DNAH5: variants seen among roughly 807,000 people sequenced by gnomAD.
DNAH5 encodes the protein axonemal beta dynein heavy chain 5.
DNAH5 carries 372 observed loss-of-function variants against 518.2 expected under a neutral mutation model. That is an observed-to-expected ratio of 0.72 (90% CI 0.66 to 0.78). The LOEUF (loss-of-function observed/expected upper bound fraction) is 0.78. Ranked by LOEUF, DNAH5 falls within the 30% of genes least tolerant of loss-of-function variation. The pLI, the probability that DNAH5 is intolerant of heterozygous loss-of-function variation, is 0.00. For missense variants in DNAH5, 5,523 were observed against 5,687.0 expected (o/e 0.97, Z 0.93); for synonymous variants, 2,039 against 2,025.9 (o/e 1.01, Z -0.17).
At chr5:13,758,736 C>T (rs530502373) in intron 61 of DNAH5, 110 bp downstream of exon 61, 2 of 1,479,384 alleles carry the variant, frequency 1.4e-6, no homozygotes, top group African/African-American at 1.4e-5. Context: ...CCATTATGTG[C>T]TATGTATGTA....
At chr5:13,841,215 T>C (rs1765112990) in intron 33 of DNAH5, 85 bp from the exon 34 acceptor site, 2 of 1,081,734 alleles carry the variant, frequency 1.8e-6, no homozygotes, top group South Asian at 2.6e-5. Context: ...ACAGCTGTGA[T>C]TGTTACACAA....
At chr5:14,005,133 C>A (rs1482053420) in intron 1 of DNAH5, among the ~76,000 whole-genome samples, 1 of 152,180 alleles carries the variant, frequency 6.6e-6, no homozygotes, top group East Asian at 1.9e-4. Flanking sequence ...CACTCAGTCC[C>A]CCACCAGTGG....
chr5:13,846,130 C>T (rs1196239990), intron 31 of DNAH5, among the ~76,000 whole-genome samples: 2 of 151,830 alleles, frequency 1.3e-5, no homozygotes, highest in African/African-American at 4.8e-5. Flanking sequence ...TGAGCCACCA[C>T]ACCTGGCCCC....
chr5:13,911,188 AT>A (rs1193486517), intron 12 of DNAH5, among the ~76,000 whole-genome samples, 197 bp downstream of exon 12: 2 of 152,252 alleles, frequency 1.3e-5, no homozygotes, highest in Non-Finnish European at 2.9e-5. Flanking sequence ...AGCCAAAGCT[AT>A]ATTTATGACC....
intron 2 of DNAH5, among the ~76,000 whole-genome samples, 189 bp downstream of exon 2, chr5:13,930,921 T>A (rs1179454939): frequency 6.6e-6 from 1 of 152,186 alleles, no homozygotes; most frequent in Non-Finnish European, 1.5e-5. Flanking sequence ...AGTGCCCCTA[T>A]TCAACATGGA....
upstream of DNAH5, among the ~76,000 whole-genome samples, chr5:13,949,339 G>T (rs1487281980): frequency 6.6e-6 from 1 of 151,886 alleles, no homozygotes; most frequent in Non-Finnish European, 1.5e-5. Flanking sequence ...ACAATAAAAA[G>T]AAAAAACTCA....
chr5:13,919,167 GC>G lies in DNAH5; in HGVS notation c.975+8del, dbSNP rs1213986233. 6.2e-7 allele frequency: 1 copy of G among 1,613,728 alleles called. No individual in the cohort carries two copies. The highest frequency in any genetic ancestry group is 8.5e-7 in the Non-Finnish European group (1 of 1,179,828). ...CCATTTCACAAGGCAAAATGAAATG[GC>G]TGACGACCTTCAGCAGTTTCGACTT... On this transcript the variant is annotated splice_region_variant and intron_variant, in intron 7 of 78. Coordinates refer to ENST00000265104, the MANE Select transcript of DNAH5 (RefSeq NM_001369.3).
chr5:13,965,999 C>T (rs1781498952), intron 1 of DNAH5, among the ~76,000 whole-genome samples: 2 of 151,852 alleles, frequency 1.3e-5, no homozygotes, highest in African/African-American at 4.8e-5. Flanking sequence ...CATCCTTTCC[C>T]CCAATCCCTA....
Position 13,771,198 on chromosome 5 carries a change from C to T in DNAH5, c.9374-218G>A, listed in dbSNP as rs983013128. 3.7e-5 allele frequency: 20 copies of T among 547,640 alleles called. No homozygotes were observed. In the Admixed American group the frequency reaches 5.9e-4, roughly 16 times the overall value. 33.9% of individuals were successfully genotyped at this position (547,640 alleles called of 1,614,324 possible). On this transcript the variant is annotated intron_variant, in intron 55 of 78. Coordinates refer to ENST00000265104, the MANE Select transcript of DNAH5 (RefSeq NM_001369.3). ...ATAAAACTATAAAAACACTTTAAGC[C>T]TATCAACACTCTTTGTTGCCTGGTG...
At chr5:13,793,818 T>C (rs918418386) in intron 48 of DNAH5, 90 bp from the exon 49 acceptor site, 42 of 1,561,612 alleles carry the variant, frequency 2.7e-5, no homozygotes, top group Non-Finnish European at 3.5e-5. Context: ...AGAACTTTAC[T>C]GGAATTCAGA....
At chr5:13,961,110 G>A (rs1781145559) in intron 1 of DNAH5, among the ~76,000 whole-genome samples, 1 of 152,132 alleles carries the variant, frequency 6.6e-6, no homozygotes, top group Non-Finnish European at 1.5e-5. Context: ...TAAGGAAGAA[G>A]CTTCTTTGCT....
At chr5:13,966,844 A>ATTGTTTT (rs1193915505) in intron 1 of DNAH5, among the ~76,000 whole-genome samples, 1 of 151,976 alleles carries the variant, frequency 6.6e-6, no homozygotes, top group Non-Finnish European at 1.5e-5. Flanking sequence ...ATGCTAAAGC[A>ATTGTTTT]TTGTTTTTTG....
chr5:13,790,288 G>A (rs1033721632), intron 50 of DNAH5, among the ~76,000 whole-genome samples: 4 of 152,166 alleles, frequency 2.6e-5, no homozygotes, highest in African/African-American at 9.7e-5. Flanking sequence ...CAAAGACACA[G>A]AATCAACCTA....
intron 1 of DNAH5, among the ~76,000 whole-genome samples, chr5:13,936,779 C>T (rs1283820365): frequency 6.6e-6 from 1 of 152,080 alleles, no homozygotes; most frequent in Non-Finnish European, 1.5e-5. Flanking sequence ...CTTCCTACAC[C>T]CTTATGAAGC....
chr5:13,820,542 T>G (rs768914346), intron 40 of DNAH5, 43 bp from the exon 41 acceptor site: 22 of 1,609,038 alleles, frequency 1.4e-5, no homozygotes, highest in South Asian at 1.2e-4. Flanking sequence ...ACAACAATGA[T>G]GGCCGGACAC....
intron 32 of DNAH5, among the ~76,000 whole-genome samples, chr5:13,842,500 A>AC (rs1765426892): frequency 7.8e-6 from 1 of 127,492 alleles, no homozygotes; most frequent in African/African-American, 3.2e-5. Context: ...AAAAGAAAGA[A>AC]AGAAAGAAAA....
At chr5:13,999,702 T>C (rs1325737738) in intron 1 of DNAH5, among the ~76,000 whole-genome samples, 3 of 152,206 alleles carry the variant, frequency 2.0e-5, no homozygotes. Context: ...TTTGGATAAA[T>C]ATCCAGAAAT....
Position 13,844,889 on chromosome 5 carries a change from G to A in DNAH5, c.5219C>T (p.Ala1740Val), listed in dbSNP as rs1554074458. 4 of 1,614,192 alleles carry A rather than the reference G, an allele frequency of 2.5e-6. No homozygotes were observed. The highest frequency in any genetic ancestry group is 1.6e-4 in the Middle Eastern group (1 of 6,062). Reference sequence around the variant, plus strand: ...GTTGTCAAACACATTCAGCAAATGGGCCTGTATAGTGTGGGAGTCCGACGC... The same window carrying A: ...GTTGTCAAACACATTCAGCAAATGGACCTGTATAGTGTGGGAGTCCGACGC... ...GQASDSHTIQAHLLNVFDNIK... is the reference protein window; with the variant it reads ...GQASDSHTIQVHLLNVFDNIK... The change falls in exon 32 of 79, where the codon GCC becomes GTC. Residue 1740 changes from alanine (A) to valine (V), a missense_variant. Transcript: ENST00000265104.
At chr5:14,003,883 C>A (rs1036174058) in intron 1 of DNAH5, among the ~76,000 whole-genome samples, 7 of 152,306 alleles carry the variant, frequency 4.6e-5, no homozygotes, top group South Asian at 4.1e-4. Flanking sequence ...TGAGATTACA[C>A]AAAGAGAGAG....
Sources: allele counts gnomAD v4.1 joint callset (sites outside exome capture counted in the v4.1 genomes callset), GRCh38; gene constraint gnomAD v4.1.1; transcripts MANE v1.5; gene names NCBI Gene and HGNC (gene_info 2026-07-23, HGNC 2026-07-21).